DNAJB12: variants seen among roughly 807,000 people sequenced by gnomAD.
DNAJB12 encodes the protein DnaJ heat shock protein family (Hsp40) member B12, also known as dnaJ homolog subfamily B member 12.
A neutral mutation model predicts 40.6 loss-of-function variants in DNAJB12; 14 were observed. The observed-to-expected ratio is 0.34, with a 90% confidence interval of 0.23 to 0.54. DNAJB12 has a LOEUF of 0.54. Among genes scored for constraint, DNAJB12 ranks in the 20% least tolerant of loss-of-function variants. The probability of loss-of-function intolerance (pLI) is 0.92; values close to 1 mark genes in which losing one functional copy is unlikely to be tolerated. For missense variants in DNAJB12, 444 were observed against 501.7 expected, an observed-to-expected ratio of 0.89 and a Z score of 1.10; for synonymous variants, 181 against 199.5, an observed-to-expected ratio of 0.91 and a Z score of 0.78.
At chr10:72,339,425 GT>G (rs1861568727) in intron 5 of DNAJB12, among the ~76,000 whole-genome samples, 1 of 151,694 alleles carries the variant, frequency 6.6e-6, no homozygotes, top group Non-Finnish European at 1.5e-5. Flanking sequence ...TCCCAGCTAC[GT>G]AGGAGCCTGA....
intron 8 of DNAJB12, 160 bp from the exon 9 acceptor site, chr10:72,334,777 C>G (rs745406603): frequency 1.1e-4 from 149 of 1,396,528 alleles, no homozygotes; most frequent in Non-Finnish European, 1.3e-4. Flanking sequence ...TGCGGCAGCA[C>G]AGAGGCAGGC....
At chr10:72,354,681 T>TC (rs1330078531) in intron 1 of DNAJB12, 84 bp downstream of exon 1, 1 of 866,414 alleles carries the variant, frequency 1.2e-6, no homozygotes, top group Non-Finnish European at 1.7e-6. Context: ...CCCCTCCCCC[T>TC]CCCCCAACTG....
At position 72,338,224 on chromosome 10, in the gene DNAJB12, G is replaced by A; in HGVS notation, c.811C>T (p.Pro271Ser). 1 of 1,614,088 alleles carries A rather than the reference G, an allele frequency of 6.2e-7. No individual in the cohort carries two copies. Among genetic ancestry groups the A allele is most frequent in the Non-Finnish European group, 8.5e-7 (1 of 1,179,988 alleles). The change falls in exon 6 of 9, where the codon CCC becomes TCC. Residue 271 changes from proline to serine, a missense_variant. Coordinates refer to ENST00000444643, the MANE Select transcript of DNAJB12 (RefSeq NM_017626.7). Reference sequence around the variant, plus strand: ...CACGGTCTTGGACTCAGACTGTAGGGTGGACTGGAGACCATGAGCTGGCTG... The same window carrying A: ...CACGGTCTTGGACTCAGACTGTAGGATGGACTGGAGACCATGAGCTGGCTG... The part of the protein sequence containing the change: ...ALSQLMVSSP[P>S]YSLSPRPSVG...
intron 1 of DNAJB12, among the ~76,000 whole-genome samples, chr10:72,346,846 T>C (rs762139488): frequency 1.3e-5 from 2 of 152,214 alleles, no homozygotes; most frequent in Non-Finnish European, 2.9e-5. Flanking sequence ...ATCCAACTTA[T>C]GAATCCATTT....
At chr10:72,342,633 G>A (rs758469710) in intron 3 of DNAJB12, among the ~76,000 whole-genome samples, 15 of 152,234 alleles carry the variant, frequency 9.9e-5, no homozygotes, top group Non-Finnish European at 1.5e-4. Flanking sequence ...AGGCCAGTGG[G>A]GGCTAGTCAC....
chr10:72,337,936 C>T (rs1861523680), intron 6 of DNAJB12, among the ~76,000 whole-genome samples: 1 of 151,848 alleles, frequency 6.6e-6, no homozygotes, highest in Non-Finnish European at 1.5e-5. Flanking sequence ...ACATGTGTAT[C>T]GTGTGTGTGT....
chr10:72,340,764 T>C (rs1044010557), intron 5 of DNAJB12, 25 bp downstream of exon 5: 10 of 1,611,752 alleles, frequency 6.2e-6, no homozygotes, highest in Admixed American at 5.0e-5. Flanking sequence ...CTTCCCGCGC[T>C]GTCCCTGGCG....
chr10:72,346,133 C>T (rs1279908713), intron 1 of DNAJB12, among the ~76,000 whole-genome samples: 2 of 151,806 alleles, frequency 1.3e-5, no homozygotes, highest in African/African-American at 4.8e-5. Flanking sequence ...ATTAATAAAC[C>T]CTATAGTACT....
chr10:72,354,861 T>C lies in DNAJB12; in HGVS notation c.37A>G (p.Ser13Gly). 1 of 1,614,132 alleles carries C rather than the reference T, an allele frequency of 6.2e-7. No individual in the cohort carries two copies. Among genetic ancestry groups the C allele is most frequent in the Non-Finnish European group, 8.5e-7 (1 of 1,179,956 alleles). ...SNKDEAERCI[S>G]IALKAIQSNQ... is the part of the protein sequence containing the mutation. ...CTCTGGATGGCCTTGAGGGCGATGCTGATACAGCGCTCAGCTTCATCCTTG... is the reference window on the plus strand; with the variant it reads ...CTCTGGATGGCCTTGAGGGCGATGCCGATACAGCGCTCAGCTTCATCCTTG... The change falls in exon 1 of 9, where the codon AGC becomes GGC. Residue 13 changes from serine (S) to glycine (G), a missense_variant. Coordinates refer to ENST00000444643, the MANE Select transcript of DNAJB12 (RefSeq NM_017626.7).
In DNAJB12 at chr10:72,336,605, TG is replaced by T; in HGVS notation, c.924del (p.Ser309AlafsTer80). 1 of 1,614,196 alleles carries T rather than the reference TG, an allele frequency of 6.2e-7. No homozygotes were observed. The highest frequency in any genetic ancestry group is 1.1e-5 in the South Asian group (1 of 91,090). ...GDTFSEEYTG[S>X]SLKTVERNVE... ...ACATTCCGCTCGACTGTTTTGAGGCTGGAGCCTGTGTACTCTTCGGAGAAAG... is the reference window on the plus strand; with the variant it reads ...ACATTCCGCTCGACTGTTTTGAGGCTGAGCCTGTGTACTCTTCGGAGAAAG... On this transcript the variant is annotated frameshift_variant, in exon 7 of 9. Coordinates refer to ENST00000444643, the MANE Select transcript of DNAJB12 (RefSeq NM_017626.7). LOFTEE classifies it high-confidence loss of function.
At position 72,336,715 on chromosome 10, in the gene DNAJB12, T is replaced by C; in HGVS notation, c.834-19A>G. 6.2e-7 allele frequency: 1 copy of C among 1,611,248 alleles called. No individual in the cohort carries two copies. Among genetic ancestry groups the C allele is most frequent in the East Asian group, 2.2e-5 (1 of 44,830 alleles). On this transcript the variant is annotated intron_variant, in intron 6 of 8. Transcript: ENST00000444643. ...CACGGACCTGGCCAGAAATACCAGG[T>C]TCAAAGTGGGTGCGGGTCCCCATGC...
Position 72,335,716 on chromosome 10 carries a change from C to A in DNAJB12, c.*30+64G>T. The A allele has an allele frequency of 6.4e-7, 1 of 1,564,290 alleles. No individual in the cohort carries two copies. The highest frequency in any genetic ancestry group is 1.2e-5 in the South Asian group (1 of 83,766). The stretch of plus-strand genomic sequence containing the variant: ...CTTCCTCCCTTTCTCCCCCTCCCTC[C>A]TCTGCTCATGACCAGGGCCAAAGCT... On this transcript the variant is annotated intron_variant, in intron 8 of 8. Transcript: ENST00000444643. This position sits in a 1 kb window ranked among gnomAD's most constrained non-coding sequence, Gnocchi z 4.4.
rs766264894 is a variant in DNAJB12, at chr10:72,343,443, T to C, written c.380A>G (p.Lys127Arg). ...GAGGGCCAGTCTGCGGTAGGCCTTC[T>C]TCAGGTCCTCATCCGAGGCCCCTCT... ...VSRGASDEDL[K>R]KAYRRLALKF... The change falls in exon 3 of 9, where the codon AAG (lysine) becomes AGG (arginine). Residue 127 changes from lysine to arginine, a missense_variant. Lys to Arg is a conservative substitution (Grantham distance 26). Transcript: ENST00000444643. 12 of 1,614,204 alleles carry C rather than the reference T, an allele frequency of 7.4e-6. No individual in the cohort carries two copies. The highest frequency in any genetic ancestry group is 9.3e-6 in the Non-Finnish European group (11 of 1,180,022).
chr10:72,354,835 G>T lies in DNAJB12; in HGVS notation c.63C>A (p.Ser21Arg). ...AGCGGAGCGCCCGGTCGGGCTGGTTGCTCTGGATGGCCTTGAGGGCGATGC... is the reference window on the plus strand; with the variant it reads ...AGCGGAGCGCCCGGTCGGGCTGGTTTCTCTGGATGGCCTTGAGGGCGATGC... ...CISIALKAIQ[S>R]NQPDRALRFL... Residue 21 changes from serine (S) to arginine (R), a missense_variant, in exon 1 of 9, where the codon AGC becomes AGA. Ser to Arg is a moderately radical substitution (Grantham distance 110). Coordinates refer to ENST00000444643, the MANE Select transcript of DNAJB12 (RefSeq NM_017626.7). 6.2e-7 allele frequency: 1 copy of T among 1,614,110 alleles called. No individual in the cohort carries two copies. The highest frequency in any genetic ancestry group is 8.5e-7 in the Non-Finnish European group (1 of 1,179,938).
At chr10:72,334,953 C>G in intron 8 of DNAJB12, 4 of 1,163,794 alleles carry the variant, frequency 3.4e-6, no homozygotes, top group Non-Finnish European at 4.2e-6. Context: ...GGGAACAGAG[C>G]CCAGCGCCCC....
chr10:72,337,805 A>AG (rs375409359), intron 6 of DNAJB12, among the ~76,000 whole-genome samples: 302 of 152,206 alleles, frequency 2.0e-3, no homozygotes, highest in African/African-American at 7.2e-3. Context: ...CAGGGTTGGC[A>AG]GGGGAGATGG....
chr10:72,343,658 G>A (rs915583691), intron 2 of DNAJB12, 147 bp from the exon 3 acceptor site: 4 of 830,750 alleles, frequency 4.8e-6, no homozygotes, highest in Admixed American at 2.3e-5. Flanking sequence ...TCAGCTGTGT[G>A]ACACCAGGGA....
chr10:72,339,225 C>T (rs964472267), intron 5 of DNAJB12, among the ~76,000 whole-genome samples: 2 of 124,012 alleles, frequency 1.6e-5, no homozygotes, highest in African/African-American at 3.2e-5. Context: ...GGTGACAGAA[C>T]GAGACCCTGT....
chr10:72,337,914 G>T (rs553251242), intron 6 of DNAJB12, among the ~76,000 whole-genome samples: 1 of 151,848 alleles, frequency 6.6e-6, no homozygotes, highest in South Asian at 2.1e-4. Flanking sequence ...TGCATGTATT[G>T]TGTGTGTGTG....
Sources: gnomAD v4.1 joint callset for allele counts (sites outside exome capture counted in the v4.1 genomes callset) on GRCh38, gnomAD v4.1.1 for gene constraint, Gnocchi (gnomAD v3.1) non-coding constraint, MANE v1.5 for transcripts, NCBI Gene and HGNC (gene_info 2026-07-23, HGNC 2026-07-21) for gene names.